Variants in GABRB1 observed in about 807,000 individuals in gnomAD.
GABRB1 encodes the protein gamma-aminobutyric acid receptor subunit beta-1.
In GABRB1, 17 loss-of-function variants were observed where a neutral mutation model predicts 51.6. The ratio of observed to expected loss-of-function variants is 0.33; its 90% CI spans 0.23 to 0.49. GABRB1 has a LOEUF of 0.49. Among genes scored for constraint, GABRB1 ranks in the 20% least tolerant of loss-of-function variants. GABRB1 has a pLI of 0.99. For missense variants in GABRB1, 410 were observed against 600.6 expected (o/e 0.68, Z 3.32); for synonymous variants, 247 against 218.9 (o/e 1.13, Z -1.14).
chr4:47,420,514 T>C (rs1729059793), intron 8 of GABRB1, among the ~76,000 whole-genome samples: 1 of 152,206 alleles, frequency 6.6e-6, no homozygotes, highest in Non-Finnish European at 1.5e-5. Context: ...TTTGCCTCAC[T>C]TCCTTCTGCC....
intron 5 of GABRB1, among the ~76,000 whole-genome samples, chr4:47,362,002 T>C (rs1367801361): frequency 6.6e-6 from 1 of 151,650 alleles, no homozygotes; most frequent in Non-Finnish European, 1.5e-5. Context: ...AGTGAGAAAA[T>C]GGAAAATGAA....
chr4:47,114,815 A>G (rs1715394740), intron 3 of GABRB1, among the ~76,000 whole-genome samples: 1 of 152,200 alleles, frequency 6.6e-6, no homozygotes, highest in South Asian at 2.1e-4. Flanking sequence ...AGTCAAGAGC[A>G]CAGGAAGACA....
chr4:47,042,486 A>G (rs981693340), intron 3 of GABRB1, among the ~76,000 whole-genome samples: 9 of 147,920 alleles, frequency 6.1e-5, no homozygotes, highest in Admixed American at 5.4e-4. Context: ...ACAAATATAT[A>G]TATATGTATA....
intron 4 of GABRB1, among the ~76,000 whole-genome samples, chr4:47,248,860 T>C (rs1297629368): frequency 6.6e-6 from 1 of 152,110 alleles, no homozygotes; most frequent in African/African-American, 2.4e-5. Context: ...ATATCTCCTG[T>C]TACTTTTCTT....
At chr4:47,174,423 A>G (rs528054869) in intron 4 of GABRB1, among the ~76,000 whole-genome samples, 3 of 152,126 alleles carry the variant, frequency 2.0e-5, no homozygotes, top group Admixed American at 2.0e-4. Flanking sequence ...TTAACTGTAC[A>G]CTGCTCATCT....
At chr4:47,238,354 C>A (rs1354215714) in intron 4 of GABRB1, among the ~76,000 whole-genome samples, 1 of 151,970 alleles carries the variant, frequency 6.6e-6, no homozygotes, top group African/African-American at 2.4e-5. Context: ...TGGAGGAACA[C>A]AAAATTAACT....
At chr4:47,324,474 C>A (rs1725182428) in intron 5 of GABRB1, among the ~76,000 whole-genome samples, 1 of 152,184 alleles carries the variant, frequency 6.6e-6, no homozygotes, top group Non-Finnish European at 1.5e-5. Context: ...CCACATTTCC[C>A]TGAAGGTTTT....
chr4:47,342,393 C>CA (rs1725930855), intron 5 of GABRB1, among the ~76,000 whole-genome samples: 1 of 127,718 alleles, frequency 7.8e-6, no homozygotes, highest in African/African-American at 2.7e-5. Flanking sequence ...TGAGGCACCC[C>CA]ACAAAAAAAT....
intron 3 of GABRB1, among the ~76,000 whole-genome samples, 179 bp from the exon 4 acceptor site, chr4:47,161,070 G>A (rs988944): frequency 0.85 from 129,398 of 152,004 alleles, 55,118 homozygotes; most frequent in African/African-American, 0.9. Flanking sequence ...TGGAATTACA[G>A]ACATGATCCA....
At chr4:47,177,408 T>C (rs1209178271) in intron 4 of GABRB1, among the ~76,000 whole-genome samples, 1 of 152,106 alleles carries the variant, frequency 6.6e-6, no homozygotes, top group Non-Finnish European at 1.5e-5. Flanking sequence ...CTGAAAGATT[T>C]GAAAGTCTAT....
At chr4:47,369,893 C>CA (rs1257231525) in intron 5 of GABRB1, among the ~76,000 whole-genome samples, 3 of 151,500 alleles carry the variant, frequency 2.0e-5, no homozygotes, top group Non-Finnish European at 4.4e-5. Context: ...AATGAACATG[C>CA]AAAAAAGGGT....
At chr4:47,292,622 A>C (rs941158271) in intron 4 of GABRB1, among the ~76,000 whole-genome samples, 3 of 152,122 alleles carry the variant, frequency 2.0e-5, no homozygotes, top group African/African-American at 7.2e-5. Context: ...CATAAAGCCT[A>C]CTCTCTGAGT....
chr4:47,375,380 A>C (rs1402639844), intron 5 of GABRB1, among the ~76,000 whole-genome samples: 1 of 152,224 alleles, frequency 6.6e-6, no homozygotes, highest in Non-Finnish European at 1.5e-5. Flanking sequence ...ATAGAGACAG[A>C]AAACAGGGAA....
At chr4:47,123,099 T>C (rs1225686748) in intron 3 of GABRB1, among the ~76,000 whole-genome samples, 4 of 152,044 alleles carry the variant, frequency 2.6e-5, no homozygotes, top group Non-Finnish European at 4.4e-5. Context: ...ATTATTCCAG[T>C]GCTCTGCCTT....
intron 5 of GABRB1, among the ~76,000 whole-genome samples, chr4:47,399,312 G>T (rs1220238993): frequency 6.6e-6 from 1 of 151,926 alleles, no homozygotes; most frequent in Non-Finnish European, 1.5e-5. Context: ...GATTTTGTTT[G>T]CTAATATGTT....
At chr4:47,066,918 G>C (rs1317705154) in intron 3 of GABRB1, among the ~76,000 whole-genome samples, 1 of 152,112 alleles carries the variant, frequency 6.6e-6, no homozygotes, top group African/African-American at 2.4e-5. Flanking sequence ...TAAATCAGAA[G>C]AATCATTATC....
chr4:47,079,500 A>G (rs377500127), intron 3 of GABRB1, among the ~76,000 whole-genome samples: 10 of 151,992 alleles, frequency 6.6e-5, no homozygotes, highest in South Asian at 2.1e-4. Context: ...ATTACTGGGT[A>G]TATACCCAAA....
chr4:47,261,148 G>A (rs1221468153), intron 4 of GABRB1, among the ~76,000 whole-genome samples: 1 of 152,196 alleles, frequency 6.6e-6, no homozygotes, highest in Non-Finnish European at 1.5e-5. Flanking sequence ...ACAAGACAGG[G>A]ATGCCCTCTC....
intron 5 of GABRB1, among the ~76,000 whole-genome samples, chr4:47,389,314 C>G (rs1035583952): frequency 2.0e-5 from 3 of 152,144 alleles, no homozygotes; most frequent in African/African-American, 7.2e-5. Flanking sequence ...GCTGACCCTT[C>G]CTCTGCATTC....
Sources: gnomAD v4.1 joint callset for allele counts (sites outside exome capture counted in the v4.1 genomes callset) on GRCh38, gnomAD v4.1.1 for gene constraint, MANE v1.5 for transcripts, NCBI Gene and HGNC (gene_info 2026-07-23, HGNC 2026-07-21) for gene names.